FETUB: variants seen among roughly 807,000 people sequenced by gnomAD.
The protein encoded by FETUB is fetuin-B.
A neutral mutation model predicts 30.9 loss-of-function variants in FETUB; 28 were observed. That is an observed-to-expected ratio of 0.90 (90% CI 0.67 to 1.24). FETUB has a LOEUF of 1.24. Ranked by LOEUF, FETUB falls within the 50% of genes most tolerant of loss-of-function variation. FETUB has a pLI of 0.00. For missense variants in FETUB, 469 were observed against 455.3 expected, an observed-to-expected ratio of 1.03 and a Z score of -0.27; for synonymous variants, 186 against 175.9, an observed-to-expected ratio of 1.06 and a Z score of -0.45.
intron 2 of FETUB, chr3:186,642,166 G>A (rs1405104249): frequency 1.3e-5 from 4 of 298,054 alleles, no homozygotes; most frequent in Non-Finnish European, 2.5e-5. Flanking sequence ...CAGTGAGAAC[G>A]TGGGAGACCC....
chr3:186,636,648 A>G (rs1442031713), upstream of FETUB, among the ~76,000 whole-genome samples: 3 of 152,224 alleles, frequency 2.0e-5, no homozygotes, highest in African/African-American at 7.2e-5. Context: ...TTCAGGAAGG[A>G]GTCAAGGAGA....
At chr3:186,640,971 G>T in intron 1 of FETUB, 59 bp from the exon 2 acceptor site, 6 of 1,109,094 alleles carry the variant, frequency 5.4e-6, no homozygotes, top group Admixed American at 3.8e-5. Context: ...TTTTTGTGTG[G>T]TCTTTCTAGG....
chr3:186,645,671 A>G (rs573120251), intron 4 of FETUB, among the ~76,000 whole-genome samples: 3 of 151,292 alleles, frequency 2.0e-5, no homozygotes, highest in Non-Finnish European at 4.4e-5. Context: ...ACAATTCTAC[A>G]TGAGGAAAAA....
intron 5 of FETUB, among the ~76,000 whole-genome samples, chr3:186,649,336 TTTTC>T (rs1346181870): frequency 6.6e-6 from 1 of 152,234 alleles, no homozygotes; most frequent in East Asian, 1.9e-4. Flanking sequence ...TAGACACTTT[TTTTC>T]TTTTTGTAGA....
chr3:186,638,134 G>A (rs920338100), upstream of FETUB, among the ~76,000 whole-genome samples: 3 of 152,134 alleles, frequency 2.0e-5, no homozygotes, highest in Admixed American at 6.5e-5. Context: ...CTTTTCGAAT[G>A]CAGATACCAG....
intron 2 of FETUB, chr3:186,641,414 T>C: frequency 3.2e-6 from 1 of 312,462 alleles, no homozygotes; most frequent in Non-Finnish European, 6.0e-6. Flanking sequence ...TCCGTTAGGC[T>C]CTGAACCAGT....
intron 6 of FETUB, 75 bp from the exon 7 acceptor site, chr3:186,652,188 A>T: frequency 6.8e-7 from 1 of 1,474,076 alleles, no homozygotes; most frequent in South Asian, 1.4e-5. Context: ...AAAGGCACAG[A>T]TCAGCTTAGG....
intron 4 of FETUB, among the ~76,000 whole-genome samples, chr3:186,645,893 A>AT (rs1213815187): frequency 6.6e-6 from 1 of 151,172 alleles, no homozygotes; most frequent in African/African-American, 2.4e-5. Flanking sequence ...TGCCCAGCTA[A>AT]TTTTTGTATT....
chr3:186,643,240 A>T (rs1266095591), intron 3 of FETUB, among the ~76,000 whole-genome samples: 1 of 152,172 alleles, frequency 6.6e-6, no homozygotes, highest in Non-Finnish European at 1.5e-5. Context: ...CACCAAGTAG[A>T]AGGTGTCAAT....
chr3:186,649,321 CT>C (rs1717801105), intron 5 of FETUB, among the ~76,000 whole-genome samples: 2 of 152,138 alleles, frequency 1.3e-5, no homozygotes, highest in South Asian at 4.1e-4. Flanking sequence ...TTTAGGCAAT[CT>C]GTTTAGACAC....
intron 3 of FETUB, 90 bp from the exon 4 acceptor site, chr3:186,644,661 A>C (rs761066967): frequency 1.6e-4 from 149 of 950,190 alleles, no homozygotes; most frequent in Non-Finnish European, 2.3e-4. Context: ...TTCCAGAGGT[A>C]ACTTCCTCAC....
intron 3 of FETUB, among the ~76,000 whole-genome samples, chr3:186,643,757 C>G (rs979599708): frequency 3.9e-5 from 6 of 152,160 alleles, no homozygotes; most frequent in African/African-American, 1.4e-4. Flanking sequence ...CACCAGTCCC[C>G]AAGTGCATGC....
intron 3 of FETUB, among the ~76,000 whole-genome samples, chr3:186,643,973 A>T (rs543649527): frequency 2.9e-3 from 447 of 152,200 alleles, no homozygotes; most frequent in Non-Finnish European, 5.2e-3. Context: ...TTTTCTTCTT[A>T]AAAAAATATT....
upstream of FETUB, among the ~76,000 whole-genome samples, chr3:186,636,649 G>A (rs904710090): frequency 6.6e-6 from 1 of 152,212 alleles, no homozygotes; most frequent in Non-Finnish European, 1.5e-5. Context: ...TCAGGAAGGA[G>A]TCAAGGAGAA....
chr3:186,641,273 C>A, intron 2 of FETUB, 133 bp downstream of exon 2: 1 of 638,010 alleles, frequency 1.6e-6, no homozygotes, highest in Non-Finnish European at 2.8e-6. Context: ...GGCAGGTGCC[C>A]ATAAGCTTAT....
intron 5 of FETUB, among the ~76,000 whole-genome samples, chr3:186,649,992 G>A (rs966212755): frequency 1.3e-5 from 2 of 152,030 alleles, no homozygotes; most frequent in African/African-American, 4.8e-5. Context: ...TTATAGCTGA[G>A]TGGTATTCCA....
chr3:186,651,357 T>G (rs533013911), intron 6 of FETUB, 56 bp downstream of exon 6: 52 of 1,148,268 alleles, frequency 4.5e-5, no homozygotes, highest in Non-Finnish European at 6.5e-5. Context: ...TTATCGATAG[T>G]TACCTGCCAC....
At chr3:186,648,861 T>C (rs1717764121) in intron 5 of FETUB, among the ~76,000 whole-genome samples, 1 of 152,250 alleles carries the variant, frequency 6.6e-6, no homozygotes. Context: ...ATTATAACCT[T>C]GATGAACTCA....
chr3:186,643,418 G>A (rs1037206841), intron 3 of FETUB, among the ~76,000 whole-genome samples: 2 of 152,164 alleles, frequency 1.3e-5, no homozygotes, highest in South Asian at 2.1e-4. Flanking sequence ...GAACAACTAC[G>A]TGCGTGTCGC....
Sources: gnomAD v4.1 joint callset for allele counts (sites outside exome capture counted in the v4.1 genomes callset) on GRCh38, gnomAD v4.1.1 for gene constraint, MANE v1.5 for transcripts, NCBI Gene and HGNC (gene_info 2026-07-23, HGNC 2026-07-21) for gene names.